Variants in KDM2B observed in about 807,000 individuals in gnomAD.
KDM2B encodes the protein lysine demethylase 2B.
In KDM2B, 26 loss-of-function variants were observed where a neutral mutation model predicts 150.0. The ratio of observed to expected loss-of-function variants is 0.17; its 90% CI spans 0.13 to 0.24. The LOEUF (loss-of-function observed/expected upper bound fraction) is 0.24. Among genes scored for constraint, KDM2B ranks in the 10% least tolerant of loss-of-function variants. The probability of loss-of-function intolerance (pLI) is 1.00; values close to 1 mark genes in which losing one functional copy is unlikely to be tolerated. For missense variants in KDM2B, 1,265 were observed against 1,816.9 expected (o/e 0.70, Z 5.52); for synonymous variants, 734 against 729.5 (o/e 1.01, Z -0.10).
intron 12 of KDM2B, among the ~76,000 whole-genome samples, chr12:121,486,794 A>C (rs996166100): frequency 6.6e-6 from 1 of 151,746 alleles, no homozygotes; most frequent in Non-Finnish European, 1.5e-5. Flanking sequence ...CTCCAATAAT[A>C]ATAATCATAA....
chr12:121,438,381 G>A (rs566452349), intron 22 of KDM2B, among the ~76,000 whole-genome samples: 51 of 152,178 alleles, frequency 3.4e-4, no homozygotes, highest in Non-Finnish European at 5.4e-4. Context: ...GGCCCACACC[G>A]CAGGGGAGGG....
Position 121,518,021 on chromosome 12 carries a change from T to C in KDM2B, c.1047+2964A>G, listed in dbSNP as rs1594028487. On this transcript the variant is annotated intron_variant, in intron 9 of 22. Transcript: ENST00000377071. This position sits in a 1 kb window ranked among gnomAD's most constrained non-coding sequence, Gnocchi z 4.4. ...AATTCTCCTGCCTCAGCCTCCTGAGTAGCTGGGATTACAGGCACACACCAC... is the reference window on the plus strand; with the variant it reads ...AATTCTCCTGCCTCAGCCTCCTGAGCAGCTGGGATTACAGGCACACACCAC... Among the ~76,000 whole-genome samples the C allele has an allele frequency of 3.3e-5, 5 of 151,766 alleles. No individual in the cohort carries two copies. The highest frequency in any genetic ancestry group is 3.3e-4 in the Admixed American group (5 of 15,222).
chr12:121,484,543 C>T (rs1882537802), intron 12 of KDM2B, among the ~76,000 whole-genome samples: 1 of 152,112 alleles, frequency 6.6e-6, no homozygotes, highest in Non-Finnish European at 1.5e-5. Context: ...GGAGGCCGGA[C>T]ATGGTGGCTC....
the KDM2B span, among the ~76,000 whole-genome samples, chr12:121,417,149 T>C: frequency 6.6e-6 from 1 of 152,236 alleles, no homozygotes; most frequent in African/African-American, 2.4e-5. This position sits in a 1 kb window ranked among gnomAD's most constrained non-coding sequence, Gnocchi z 5.0. Context: ...TGGAGGAAAT[T>C]GTTCATGTAG....
In KDM2B at chr12:121,521,240, G is replaced by T; in HGVS notation, c.932-140C>A. 1.6e-6 allele frequency: 1 copy of T among 606,798 alleles called. No individual in the cohort carries two copies. Among genetic ancestry groups the T allele is most frequent in the South Asian group, 1.8e-5 (1 of 54,172 alleles). The allele number at this position is 606,798 out of a possible 1,614,324, so 37.6% of individuals were successfully genotyped here. On this transcript the variant is annotated intron_variant, in intron 8 of 22. Transcript: ENST00000377071. The surrounding 1 kb of genome is among the most constrained non-coding windows in gnomAD (Gnocchi z 4.9). ...AGCAGCCAGGGCCTGGGGCAGCGGC[G>T]CCCAGCAATGCCTGCTGCACAACGC...
intron 4 of KDM2B, among the ~76,000 whole-genome samples, chr12:121,557,430 G>C (rs1293280492): frequency 1.3e-5 from 2 of 151,820 alleles, no homozygotes; most frequent in African/African-American, 4.8e-5. Flanking sequence ...AGTAGAGACG[G>C]GGTTTCACCA....
chr12:121,528,271 C>T (rs1887323795), intron 8 of KDM2B, among the ~76,000 whole-genome samples: 1 of 152,158 alleles, frequency 6.6e-6, no homozygotes, highest in Non-Finnish European at 1.5e-5. Context: ...TAAAATCTTC[C>T]TTGGCAGCCG....
intron 8 of KDM2B, among the ~76,000 whole-genome samples, chr12:121,523,679 C>G (rs1327894147): frequency 6.6e-6 from 1 of 152,206 alleles, no homozygotes; most frequent in East Asian, 1.9e-4. Context: ...ACCAGGGCAA[C>G]GCATGGAACA....
chr12:121,448,319 C>CAAAAAAA (rs57261158), intron 13 of KDM2B, among the ~76,000 whole-genome samples: 1 of 51,106 alleles, frequency 2.0e-5, no homozygotes, highest in Non-Finnish European at 4.0e-5. Context: ...GACTCTGTCT[C>CAAAAAAA]AAAAAAAAAA....
Position 121,460,162 on chromosome 12 carries a change from C to T in KDM2B, c.1735-6818G>A, listed in dbSNP as rs568035429. Among the ~76,000 whole-genome samples the T allele has an allele frequency of 2.0e-5, 3 of 152,300 alleles. No homozygotes were observed. In the South Asian group the frequency reaches 6.2e-4, roughly 32 times the overall value. ...ACAAATCCACCAACCCAAGTGTTTC[C>T]TGGCTGTGAATTATGTATCTGATTT... On this transcript the variant is annotated intron_variant, in intron 12 of 22. Transcript: ENST00000377071.
chr12:121,480,936 T>G (rs1198054775), intron 12 of KDM2B, among the ~76,000 whole-genome samples: 11 of 150,398 alleles, frequency 7.3e-5, no homozygotes, highest in African/African-American at 1.7e-4. Flanking sequence ...TTTGTTGTTT[T>G]TTTTTTTTTG....
chr12:121,529,531 C>T (rs994499362), intron 8 of KDM2B, among the ~76,000 whole-genome samples: 8 of 152,216 alleles, frequency 5.3e-5, no homozygotes, highest in Admixed American at 3.9e-4. Context: ...AGACTCTCTC[C>T]TCAAAGCCAC....
At chr12:121,481,886 T>G (rs1174734621) in intron 12 of KDM2B, among the ~76,000 whole-genome samples, 1 of 151,902 alleles carries the variant, frequency 6.6e-6, no homozygotes, top group South Asian at 2.1e-4. Flanking sequence ...TCAAGCGATT[T>G]TCCTGCCTCA....
intron 10 of KDM2B, among the ~76,000 whole-genome samples, chr12:121,511,189 T>C (rs1181380549): frequency 6.6e-6 from 1 of 151,322 alleles, no homozygotes; most frequent in Non-Finnish European, 1.5e-5. Context: ...TTGTGTTTTT[T>C]AGTAGAGACA....
At chr12:121,541,554 G>A (rs1375868529) in intron 6 of KDM2B, among the ~76,000 whole-genome samples, 1 of 151,820 alleles carries the variant, frequency 6.6e-6, no homozygotes, top group Admixed American at 6.6e-5. Context: ...GCCCCAAAAT[G>A]TACACAAAAT....
chr12:121,427,584 G>T (rs548589143), downstream of KDM2B, among the ~76,000 whole-genome samples: 19 of 152,196 alleles, frequency 1.2e-4, no homozygotes, highest in Non-Finnish European at 2.5e-4. Context: ...CCATGGATTT[G>T]TACTGAAGTA....
intron 12 of KDM2B, among the ~76,000 whole-genome samples, chr12:121,463,516 T>C (rs1010629635): frequency 2.0e-5 from 3 of 152,226 alleles, no homozygotes; most frequent in Non-Finnish European, 2.9e-5. Context: ...CACATAAATT[T>C]CTGAGAGATT....
In KDM2B at chr12:121,452,085, G is replaced by A. The variant is rs1424503250; in HGVS notation, c.1959+1035C>T. Reference sequence around the variant, plus strand: ...AATTACTGCATAATTCCACTTCTATGAGGTCCCGAGAGGAGTCAAGCTCTT... The same window carrying A: ...AATTACTGCATAATTCCACTTCTATAAGGTCCCGAGAGGAGTCAAGCTCTT... On this transcript the variant is annotated intron_variant, in intron 13 of 22. Coordinates refer to ENST00000377071, the MANE Select transcript of KDM2B (RefSeq NM_032590.5). The surrounding 1 kb of genome is among the most constrained non-coding windows in gnomAD (Gnocchi z 4.4). Among the ~76,000 whole-genome samples, 2 of 152,114 alleles carry A rather than the reference G, an allele frequency of 1.3e-5. No homozygotes were observed. The highest frequency in any genetic ancestry group is 2.9e-5 in the Non-Finnish European group (2 of 68,024).
rs1202635499 is a variant in KDM2B, at chr12:121,467,378, T to A, written c.1735-14034A>T. ...CGCCGCGCGCCTCGCACGCCCGCGC[T>A]GGAGGGGGCGGGGAGGGGCCGGCGG... On this transcript the variant is annotated intron_variant, in intron 12 of 22. Transcript: ENST00000377071. The surrounding 1 kb of genome is among the most constrained non-coding windows in gnomAD (Gnocchi z 5.1). 2.0e-6 allele frequency: 2 copies of A among 977,954 alleles called. No homozygotes were observed. Among genetic ancestry groups the A allele is most frequent in the Non-Finnish European group, 2.4e-6 (2 of 826,654 alleles). 60.6% of individuals were successfully genotyped at this position (977,954 alleles called of 1,614,324 possible).
Sources: allele counts gnomAD v4.1 joint callset (sites outside exome capture counted in the v4.1 genomes callset), GRCh38; gene constraint gnomAD v4.1.1; non-coding constraint Gnocchi (gnomAD v3.1); transcripts MANE v1.5; gene names NCBI Gene and HGNC (gene_info 2026-07-23, HGNC 2026-07-21).